Variants in SLC22A15 observed in about 807,000 individuals in gnomAD.
SLC22A15 encodes the protein flipt 1.
A neutral mutation model predicts 62.7 loss-of-function variants in SLC22A15; 45 were observed. The ratio of observed to expected loss-of-function variants is 0.72; its 90% CI spans 0.56 to 0.92. The LOEUF (loss-of-function observed/expected upper bound fraction) is 0.92, where lower values mean the gene tolerates loss of function less well. SLC22A15 is among the 40% of genes least tolerant of loss of function. The probability of loss-of-function intolerance (pLI) is 0.00; values close to 1 mark genes in which losing one functional copy is unlikely to be tolerated. For missense variants in SLC22A15, 622 were observed against 665.6 expected, an observed-to-expected ratio of 0.93 and a Z score of 0.72; for synonymous variants, 264 against 267.0, an observed-to-expected ratio of 0.99 and a Z score of 0.11.
chr1:116,019,863 A>T (rs1034137405), intron 3 of SLC22A15, 149 bp downstream of exon 3: 9 of 896,884 alleles, frequency 1.0e-5, no homozygotes, highest in Admixed American at 3.4e-5. Flanking sequence ...CAAGAGGCCA[A>T]ACTGCAGCTT....
intron 1 of SLC22A15, among the ~76,000 whole-genome samples, chr1:115,985,890 G>A (rs556870249): frequency 6.2e-5 from 9 of 145,496 alleles, no homozygotes. Context: ...AGGTTACAGT[G>A]AGCTGAGATC....
At chr1:116,011,924 C>A (rs1301538136) in intron 2 of SLC22A15, among the ~76,000 whole-genome samples, 1 of 152,108 alleles carries the variant, frequency 6.6e-6, no homozygotes, top group African/African-American at 2.4e-5. Flanking sequence ...ACCTAGACTT[C>A]TGCACGACAG....
Position 116,031,487 on chromosome 1 carries a change from C to T in SLC22A15, c.850C>T (p.Pro284Ser), listed in dbSNP as rs575544385. The change falls in exon 6 of 12, where the codon CCA becomes TCA. Residue 284 changes from proline to serine, a missense_variant. Coordinates refer to ENST00000369503, the MANE Select transcript of SLC22A15 (RefSeq NM_018420.3). Reference sequence around the variant, plus strand: ...CAAGTGCACGTTCTCACTAACACACCCAGCCAACAGGAGCTGCAGGGAGAC... The same window carrying T: ...CAAGTGCACGTTCTCACTAACACACTCAGCCAACAGGAGCTGCAGGGAGAC... ...KLKCTFSLTH[P>S]ANRSCRETGS... is the part of the protein sequence containing the mutation. 6.2e-7 allele frequency: 1 copy of T among 1,613,980 alleles called. No individual in the cohort carries two copies. The highest frequency in any genetic ancestry group is 1.7e-5 in the Admixed American group (1 of 60,026).
At position 115,989,089 on chromosome 1, in the gene SLC22A15, G is replaced by C. The variant is rs974185127; in HGVS notation, c.88-2942G>C. On this transcript the variant is annotated intron_variant, in intron 1 of 11. Coordinates refer to ENST00000369503, the MANE Select transcript of SLC22A15 (RefSeq NM_018420.3). ...TCTGGTGGCATAAAGCTGTGGACCTGTGTGTTCTGTGAGGGCCTTGGATGT... is the reference window on the plus strand; with the variant it reads ...TCTGGTGGCATAAAGCTGTGGACCTCTGTGTTCTGTGAGGGCCTTGGATGT... Among the ~76,000 whole-genome samples the C allele has an allele frequency of 2.7e-5, 4 of 150,066 alleles. No homozygotes were observed. The East Asian group carries it at 7.9e-4, about 30-fold the overall frequency.
intron 4 of SLC22A15, among the ~76,000 whole-genome samples, chr1:116,021,650 G>A (rs1477334317): frequency 6.6e-6 from 1 of 152,136 alleles, no homozygotes; most frequent in Non-Finnish European, 1.5e-5. Flanking sequence ...TATATGAGAA[G>A]GCCATTTCTT....
At chr1:116,042,183 A>G (rs1657806742) in intron 8 of SLC22A15, among the ~76,000 whole-genome samples, 1 of 151,980 alleles carries the variant, frequency 6.6e-6, no homozygotes, top group South Asian at 2.1e-4. Flanking sequence ...CCACAAGTAG[A>G]AGAAAAATCA....
At chr1:116,004,611 A>G (rs1480879424) in intron 2 of SLC22A15, among the ~76,000 whole-genome samples, 1 of 152,134 alleles carries the variant, frequency 6.6e-6, no homozygotes, top group Non-Finnish European at 1.5e-5. Flanking sequence ...TAATGCCTCT[A>G]TATTTGTGAG....
At chr1:116,004,925 A>G (rs956869637) in intron 2 of SLC22A15, among the ~76,000 whole-genome samples, 1 of 152,162 alleles carries the variant, frequency 6.6e-6, no homozygotes, top group East Asian at 1.9e-4. Flanking sequence ...GAATTGGTCC[A>G]TTTTATCTAA....
intron 1 of SLC22A15, among the ~76,000 whole-genome samples, chr1:115,990,186 G>A (rs1281274356): frequency 6.6e-6 from 1 of 152,178 alleles, no homozygotes; most frequent in African/African-American, 2.4e-5. Context: ...GTTGCGTCTT[G>A]GAGGATGGGG....
At chr1:116,054,934 T>G (rs1276922095) in intron 8 of SLC22A15, among the ~76,000 whole-genome samples, 1 of 151,792 alleles carries the variant, frequency 6.6e-6, no homozygotes, top group Non-Finnish European at 1.5e-5. Context: ...TAGCACTAAA[T>G]GCCCACGAGA....
At chr1:116,018,521 C>G (rs996824423) in intron 2 of SLC22A15, among the ~76,000 whole-genome samples, 1 of 152,104 alleles carries the variant, frequency 6.6e-6, no homozygotes, top group East Asian at 1.9e-4. Flanking sequence ...TCCACCACCA[C>G]GCCCGGCTAA....
intron 6 of SLC22A15, among the ~76,000 whole-genome samples, chr1:116,034,461 C>A (rs1337564285): frequency 2.0e-5 from 3 of 152,232 alleles, no homozygotes; most frequent in Admixed American, 6.5e-5. Context: ...ATGCCTGCCA[C>A]CCAAGAGGAG....
chr1:115,997,932 A>T (rs1451503427), intron 2 of SLC22A15, among the ~76,000 whole-genome samples: 1 of 151,806 alleles, frequency 6.6e-6, no homozygotes, highest in Non-Finnish European at 1.5e-5. Flanking sequence ...AGTCTGTCAT[A>T]TATGGCTTTT....
At chr1:116,024,832 G>A (rs1020724244) in intron 4 of SLC22A15, among the ~76,000 whole-genome samples, 1 of 152,060 alleles carries the variant, frequency 6.6e-6, no homozygotes, top group East Asian at 1.9e-4. Context: ...AGCTGATTGG[G>A]GTCACCCTGC....
At chr1:116,047,358 C>T (rs921717003) in intron 8 of SLC22A15, among the ~76,000 whole-genome samples, 22 of 152,092 alleles carry the variant, frequency 1.4e-4, no homozygotes, top group Admixed American at 6.5e-5. Context: ...ACCCGGGAGG[C>T]GGAGATTGTC....
intron 8 of SLC22A15, among the ~76,000 whole-genome samples, chr1:116,060,663 C>T (rs1658359347): frequency 6.6e-6 from 1 of 152,214 alleles, no homozygotes; most frequent in Non-Finnish European, 1.5e-5. Context: ...CTTTTCCCAA[C>T]TCATTCTGTT....
chr1:116,021,643 A>G (rs532191699), intron 4 of SLC22A15, among the ~76,000 whole-genome samples: 8 of 152,292 alleles, frequency 5.3e-5, no homozygotes, highest in African/African-American at 1.2e-4. Flanking sequence ...GAGGATCTAT[A>G]TGAGAAGGCC....
At chr1:116,065,967 G>C (rs1658487020) in intron 10 of SLC22A15, among the ~76,000 whole-genome samples, 1 of 152,136 alleles carries the variant, frequency 6.6e-6, no homozygotes, top group Non-Finnish European at 1.5e-5. Flanking sequence ...ACCATGTTCA[G>C]TTTAGAAGTT....
rs78162140 is a variant in SLC22A15, at chr1:115,993,668, C to T, written c.300+1425C>T. Among the ~76,000 whole-genome samples, 962 of 152,156 alleles carry T rather than the reference C, an allele frequency of 6.3e-3. 10 individuals are homozygous for T. The highest frequency in any genetic ancestry group is 0.02 in the African/African-American group (817 of 41,478). On this transcript the variant is annotated intron_variant, in intron 2 of 11. Coordinates refer to ENST00000369503, the MANE Select transcript of SLC22A15 (RefSeq NM_018420.3). ...CTATACTAACTTTTTGAGGGACCAC[C>T]AAAGCAGCATTTCTGATTGCAATTC...
Sources: allele counts gnomAD v4.1 joint callset (sites outside exome capture counted in the v4.1 genomes callset), GRCh38; gene constraint gnomAD v4.1.1; transcripts MANE v1.5; gene names NCBI Gene and HGNC (gene_info 2026-07-23, HGNC 2026-07-21).